ADGRG5: variants seen among roughly 807,000 people sequenced by gnomAD.
ADGRG5 encodes adhesion G protein-coupled receptor G5.
ADGRG5 carries 37 observed loss-of-function variants against 53.2 expected under a neutral mutation model. The ratio of observed to expected loss-of-function variants is 0.70; its 90% CI spans 0.53 to 0.91. The LOEUF (loss-of-function observed/expected upper bound fraction) is 0.91. Ranked by LOEUF, ADGRG5 falls within the 40% of genes least tolerant of loss-of-function variation. The pLI is 0.00. For synonymous variants in ADGRG5, 277 were observed against 290.4 expected (o/e 0.95, Z 0.47); for missense variants, 614 against 675.8 (o/e 0.91, Z 1.01).
At chr16:57,569,178 C>T (rs1188306114) in intron 9 of ADGRG5, among the ~76,000 whole-genome samples, 3 of 151,390 alleles carry the variant, frequency 2.0e-5, no homozygotes, top group African/African-American at 4.9e-5. Context: ...TCATCACCAT[C>T]GTCATCACCT....
the ADGRG5 span, among the ~76,000 whole-genome samples, chr16:57,533,899 TGCGTGGG>T: frequency 6.6e-6 from 1 of 152,168 alleles, no homozygotes; most frequent in East Asian, 1.9e-4. Context: ...GGTGTCTATG[TGCGTGGG>T]GCGTGGCCTC....
the ADGRG5 span, among the ~76,000 whole-genome samples, chr16:57,530,848 C>A: frequency 1.3e-5 from 2 of 151,918 alleles, no homozygotes; most frequent in Admixed American, 1.3e-4. Flanking sequence ...ACTCCGTCTA[C>A]CTGCTTGGCG....
intron 1 of ADGRG5, among the ~76,000 whole-genome samples, chr16:57,557,440 T>C (rs2146782094): frequency 6.6e-6 from 1 of 152,380 alleles, no homozygotes; most frequent in South Asian, 2.1e-4. Flanking sequence ...GATGTGTTTT[T>C]CTTTGCATTT....
chr16:57,549,111 T>C (rs1278677020), intron 1 of ADGRG5, among the ~76,000 whole-genome samples: 2 of 152,258 alleles, frequency 1.3e-5, no homozygotes, highest in Non-Finnish European at 2.9e-5. Flanking sequence ...TTATTAACAA[T>C]ACTATTCTAA....
In ADGRG5 at chr16:57,571,156, C is replaced by T. The variant is rs150814461; in HGVS notation, c.1208+621C>T. Among the ~76,000 whole-genome samples, 291 of 152,290 alleles carry T rather than the reference C, an allele frequency of 1.9e-3. 2 individuals are homozygous for T. Among genetic ancestry groups the T allele is most frequent in the African/African-American group, 6.5e-3 (271 of 41,560 alleles). On this transcript the variant is annotated intron_variant, in intron 10 of 11. Coordinates refer to ENST00000349457, the MANE Select transcript of ADGRG5 (RefSeq NM_001304376.3). ...TAGACTAGCCTAAGGAACCCCCGCGCGCCCATCACTCACTTGCAGTTGGCT... is the reference window on the plus strand; with the variant it reads ...TAGACTAGCCTAAGGAACCCCCGCGTGCCCATCACTCACTTGCAGTTGGCT...
rs1198407358 is a variant in ADGRG5 at position 57,576,622 on chromosome 16, A to G, written c.*1084A>G. Reference sequence around the variant, plus strand: ...AGACTGCATCTAGAATCGCTCAAACACCTGTTTGCAGACCCCATGCACCAG... The same window carrying G: ...AGACTGCATCTAGAATCGCTCAAACGCCTGTTTGCAGACCCCATGCACCAG... On this transcript the variant is annotated 3_prime_UTR_variant, in exon 12 of 12. Coordinates refer to ENST00000349457, the MANE Select transcript of ADGRG5 (RefSeq NM_001304376.3). 1 of 151,820 alleles carries G rather than the reference A, an allele frequency of 6.6e-6. No individual in the cohort carries two copies. The highest frequency in any genetic ancestry group is 1.5e-5 in the Non-Finnish European group (1 of 67,946). 9.4% of individuals were successfully genotyped at this position (151,820 alleles called of 1,614,324 possible). A position where few individuals can be genotyped will look rare whatever the true frequency, so the allele number is the denominator to read the frequency against.
At chr16:57,537,715 GGCTGTTCCATTTCTCCT>G (rs2032424824), upstream of ADGRG5, among the ~76,000 whole-genome samples, 1 of 152,002 alleles carries the variant, frequency 6.6e-6, no homozygotes, top group African/African-American at 2.4e-5. Flanking sequence ...TGTGGGCAGC[GGCTGTTCCATTTCTCCT>G]GCTTTGCTTC....
chr16:57,558,816 TC>T, intron 1 of ADGRG5, among the ~76,000 whole-genome samples: 1 of 151,580 alleles, frequency 6.6e-6, no homozygotes, highest in South Asian at 2.1e-4. Flanking sequence ...GGTTGCCTCT[TC>T]CTTGCCAGTG....
intron 5 of ADGRG5, among the ~76,000 whole-genome samples, chr16:57,564,447 G>C (rs936254701): frequency 3.3e-5 from 5 of 151,960 alleles, no homozygotes; most frequent in African/African-American, 1.2e-4. Context: ...GATTACAGGC[G>C]TGTGCCATCA....
the ADGRG5 span, chr16:57,529,081 C>G: frequency 8.6e-7 from 1 of 1,166,842 alleles, no homozygotes; most frequent in African/African-American, 1.6e-5. The surrounding 1 kb of genome is among the most constrained non-coding windows in gnomAD (Gnocchi z 4.1). Context: ...TCGGCAGGCC[C>G]CATGCGCTCC....
chr16:57,554,374 CT>C (rs1197786650), intron 1 of ADGRG5, among the ~76,000 whole-genome samples: 4,094 of 145,520 alleles, frequency 0.028, 144 homozygotes, highest in African/African-American at 0.093. Flanking sequence ...ATAATTTTAT[CT>C]TTTTTTTTTT....
At chr16:57,532,578 G>A in the ADGRG5 span, among the ~76,000 whole-genome samples, 1 of 152,116 alleles carries the variant, frequency 6.6e-6, no homozygotes, top group South Asian at 2.1e-4. Flanking sequence ...ACAACGACAC[G>A]GGTGCATGGA....
chr16:57,556,908 C>CT lies in ADGRG5; in HGVS notation c.-38-5129dup, dbSNP rs35948606. ...GAAGAAGTTCTTATTTTGCCTTCTT[C>CT]TTTTTTTTTTTTTTTTTTTGAGACA... On this transcript the variant is annotated intron_variant, in intron 1 of 11. Transcript: ENST00000349457. Among the ~76,000 whole-genome samples, 466 of 115,742 alleles carry CT rather than the reference C, an allele frequency of 4.0e-3. 4 individuals are homozygous for CT. Among genetic ancestry groups the CT allele is most frequent in the Non-Finnish European group, 4.2e-3 (253 of 60,296 alleles). The allele number at this position is 115,742 out of a possible 152,430, so 75.9% of individuals were successfully genotyped here.
rs1168480806 is a variant in ADGRG5 at position 57,567,565 on chromosome 16, C to G, written c.795C>G (p.Ile265Met). Residue 265 changes from isoleucine to methionine, a missense_variant, in exon 8 of 12, where the codon ATC (isoleucine) becomes ATG (methionine). Physicochemically the swap from Ile to Met is conservative, Grantham distance 10 (BLOSUM62 1). Coordinates refer to ENST00000349457, the MANE Select transcript of ADGRG5 (RefSeq NM_001304376.3). ...GCATCTCCATCGTGGCCTCGCTGAT[C>G]ACAGTCCTGCTGCACTTCCATTTCA... ...GCSISIVASL[I>M]TVLLHFHFRK... is the part of the protein sequence containing the mutation. 4 of 1,611,402 alleles carry G rather than the reference C, an allele frequency of 2.5e-6. No individual in the cohort carries two copies. The highest frequency in any genetic ancestry group is 3.4e-6 in the Non-Finnish European group (4 of 1,179,912).
At chr16:57,564,249 G>C (rs564311161) in intron 5 of ADGRG5, among the ~76,000 whole-genome samples, 2 of 152,230 alleles carry the variant, frequency 1.3e-5, no homozygotes, top group African/African-American at 4.8e-5. Flanking sequence ...AGACAAGAAG[G>C]CACTTATTAT....
At chr16:57,530,008 G>A in the ADGRG5 span, among the ~76,000 whole-genome samples, 2 of 152,190 alleles carry the variant, frequency 1.3e-5, no homozygotes, top group Admixed American at 6.5e-5. Context: ...TGGAGGTGAA[G>A]AAAATGATTA....
At chr16:57,535,599 G>C in the ADGRG5 span, among the ~76,000 whole-genome samples, 1 of 152,038 alleles carries the variant, frequency 6.6e-6, no homozygotes, top group Non-Finnish European at 1.5e-5. Context: ...TGGAATGGTG[G>C]GGTGAACCTT....
At chr16:57,529,186 CG>C in the ADGRG5 span, 4 of 1,178,250 alleles carry the variant, frequency 3.4e-6, no homozygotes, top group South Asian at 1.3e-4. This position sits in a 1 kb window ranked among gnomAD's most constrained non-coding sequence, Gnocchi z 4.1. Context: ...ATGGTGCGGC[CG>C]GGCGGGCCCT....
chr16:57,554,360 A>G (rs1266582078), intron 1 of ADGRG5, among the ~76,000 whole-genome samples: 1 of 150,532 alleles, frequency 6.6e-6, no homozygotes, highest in Non-Finnish European at 1.5e-5. Flanking sequence ...TATTTTATTG[A>G]TTTATAATTT....
Sources: allele counts gnomAD v4.1 joint callset (sites outside exome capture counted in the v4.1 genomes callset), GRCh38; gene constraint gnomAD v4.1.1; non-coding constraint Gnocchi (gnomAD v3.1); transcripts MANE v1.5; gene names NCBI Gene and HGNC (gene_info 2026-07-23, HGNC 2026-07-21).